The following TNIK variants were observed in gnomAD, a reference collection of about 807,000 sequenced individuals.
The protein encoded by TNIK is TRAF2 and NCK interacting kinase, also known as TRAF2 and NCK-interacting protein kinase.
Under a neutral mutation model 191.3 loss-of-function variants are expected in TNIK, and 49 were observed. That is an observed-to-expected ratio of 0.26 (90% CI 0.20 to 0.32). The LOEUF is 0.32. Ranked by LOEUF, TNIK falls within the 10% of genes least tolerant of loss-of-function variation. The pLI, the probability that TNIK is intolerant of heterozygous loss-of-function variation, is 1.00. For synonymous variants in TNIK, 594 were observed against 600.9 expected, an observed-to-expected ratio of 0.99 and a Z score of 0.17; for missense variants, 1,155 against 1,702.3, an observed-to-expected ratio of 0.68 and a Z score of 5.66.
At chr3:171,079,197 C>T (rs1049232517) in intron 28 of TNIK, among the ~76,000 whole-genome samples, 4 of 152,002 alleles carry the variant, frequency 2.6e-5, no homozygotes, top group African/African-American at 9.7e-5. Context: ...TCGATTTTAC[C>T]GACATTTCTT....
intron 2 of TNIK, among the ~76,000 whole-genome samples, chr3:171,275,451 A>G (rs1560357304): frequency 1.3e-5 from 2 of 152,204 alleles, no homozygotes; most frequent in Admixed American, 6.5e-5. Context: ...TTATAACCAT[A>G]AAACAAGAAG....
In TNIK at chr3:171,063,908, G is replaced by A; in HGVS notation, c.4056C>T (p.Leu1352=). The A allele has an allele frequency of 6.2e-7, 1 of 1,613,836 alleles. No individual in the cohort carries two copies. Among genetic ancestry groups the A allele is most frequent in the Non-Finnish European group, 8.5e-7 (1 of 1,179,764 alleles). The change falls in exon 33 of 33, where the codon CTC becomes CTT. Residue 1352 remains leucine (L), a synonymous_variant. Coordinates refer to ENST00000436636, the MANE Select transcript of TNIK (RefSeq NM_015028.4). ...ACCAGTTCATCATGGAATTTCTGTT[G>A]AGGGTCATGAAAAACACTTGGCTAC... The part of the protein sequence containing the change: ...GGSSQVFFMT[L]NRNSMMNW
chr3:171,264,065 C>G (rs1420354313), intron 2 of TNIK, among the ~76,000 whole-genome samples: 1 of 76,500 alleles, frequency 1.3e-5, no homozygotes, highest in Admixed American at 1.3e-4. Flanking sequence ...TATATATATA[C>G]ATACACACAC....
At chr3:171,107,125 G>GAAAT in intron 21 of TNIK, 58 bp downstream of exon 21, 2 of 1,557,276 alleles carry the variant, frequency 1.3e-6, no homozygotes, top group South Asian at 2.4e-5. Context: ...TCAACATTAG[G>GAAAT]AAATAAGTTT....
At chr3:171,417,455 A>G (rs1723233274) in intron 1 of TNIK, among the ~76,000 whole-genome samples, 1 of 152,190 alleles carries the variant, frequency 6.6e-6, no homozygotes, top group Admixed American at 6.5e-5. Flanking sequence ...ACCCTCTTCA[A>G]TGAGAACTTT....
At chr3:171,292,843 C>G (rs1299650480) in intron 2 of TNIK, among the ~76,000 whole-genome samples, 2 of 150,328 alleles carry the variant, frequency 1.3e-5, no homozygotes, top group African/African-American at 4.9e-5. Context: ...ATCTTGGGCT[C>G]TCCTTGTCTG....
intron 2 of TNIK, among the ~76,000 whole-genome samples, chr3:171,367,107 C>G (rs1715834735): frequency 6.6e-6 from 1 of 151,584 alleles, no homozygotes; most frequent in Non-Finnish European, 1.5e-5. Context: ...AAAGAAAATA[C>G]TTATCATATG....
chr3:171,272,066 C>G (rs1207339228), intron 2 of TNIK, among the ~76,000 whole-genome samples: 1 of 152,174 alleles, frequency 6.6e-6, no homozygotes. Context: ...ATTATAGCCA[C>G]CACCCGGAGA....
intron 1 of TNIK, among the ~76,000 whole-genome samples, chr3:171,386,644 A>G (rs897323594): frequency 2.8e-4 from 43 of 152,218 alleles, no homozygotes; most frequent in African/African-American, 1.0e-3. Flanking sequence ...AGAATTTGCA[A>G]TTACTGAAAT....
In TNIK at chr3:171,094,031, A is replaced by G. The variant is rs372600901; in HGVS notation, c.2592-63T>C. On this transcript the variant is annotated intron_variant, in intron 22 of 32. Transcript: ENST00000436636. ...TTTAGGAAATATCTGTTTCCTGTCC[A>G]TATTCATTATTTTTGTTATGGTAAA... The G allele has an allele frequency of 6.8e-5, 106 of 1,554,710 alleles. No individual in the cohort carries two copies. In the African/African-American group the frequency reaches 7.2e-4, roughly 11 times the overall value.
At chr3:171,110,151 C>T (rs915883614) in intron 19 of TNIK, among the ~76,000 whole-genome samples, 1 of 152,204 alleles carries the variant, frequency 6.6e-6, no homozygotes, top group Non-Finnish European at 1.5e-5. Flanking sequence ...AGGTGATCTG[C>T]CTGCCTTGGC....
chr3:171,238,363 T>C (rs1577212806), intron 2 of TNIK, among the ~76,000 whole-genome samples: 1 of 151,962 alleles, frequency 6.6e-6, no homozygotes. Flanking sequence ...ACAAATATAC[T>C]ACATTGTAAA....
intron 1 of TNIK, among the ~76,000 whole-genome samples, chr3:171,443,115 CT>C (rs1727038983): frequency 6.6e-6 from 1 of 152,176 alleles, no homozygotes; most frequent in African/African-American, 2.4e-5. Flanking sequence ...TACTCTCTAA[CT>C]GGTGCTGGAG....
At chr3:171,075,300 G>T (rs938892519) in intron 28 of TNIK, among the ~76,000 whole-genome samples, 42 of 152,174 alleles carry the variant, frequency 2.8e-4, no homozygotes, top group African/African-American at 1.0e-3. Context: ...AACATGACCT[G>T]TTCTCAAAGA....
intron 2 of TNIK, among the ~76,000 whole-genome samples, chr3:171,341,932 C>T (rs1757576025): frequency 6.6e-6 from 1 of 152,114 alleles, no homozygotes; most frequent in Non-Finnish European, 1.5e-5. Context: ...ATACCCCATC[C>T]CAAAGTAATA....
At chr3:171,150,575 T>C (rs1732308871) in intron 12 of TNIK, among the ~76,000 whole-genome samples, 1 of 152,198 alleles carries the variant, frequency 6.6e-6, no homozygotes, top group Non-Finnish European at 1.5e-5. Context: ...GGGATCATAA[T>C]TTACAGTGTT....
chr3:171,368,710 A>G (rs1188162741), intron 2 of TNIK, among the ~76,000 whole-genome samples: 1 of 152,158 alleles, frequency 6.6e-6, no homozygotes, highest in Non-Finnish European at 1.5e-5. Context: ...TCTATAATAA[A>G]TTTAATTAAC....
chr3:171,369,008 T>C (rs1365349821), intron 2 of TNIK, among the ~76,000 whole-genome samples: 1 of 152,074 alleles, frequency 6.6e-6, no homozygotes, highest in East Asian at 1.9e-4. Flanking sequence ...TCGTAGATTA[T>C]ACTTGGGGAA....
chr3:171,323,537 G>A (rs9883335), intron 2 of TNIK, among the ~76,000 whole-genome samples: 41 of 152,182 alleles, frequency 2.7e-4, no homozygotes, highest in African/African-American at 9.4e-4. Context: ...TGACAATTTC[G>A]GGGTCAAGAA....
Sources: gnomAD v4.1 joint callset for allele counts (sites outside exome capture counted in the v4.1 genomes callset) on GRCh38, gnomAD v4.1.1 for gene constraint, MANE v1.5 for transcripts, NCBI Gene and HGNC (gene_info 2026-07-23, HGNC 2026-07-21) for gene names.